Variants in NMT1 observed in about 807,000 individuals in gnomAD.
NMT1 encodes the protein N-myristoyltransferase 1, also known as glycylpeptide N-tetradecanoyltransferase 1.
In NMT1, 12 loss-of-function variants were observed where a neutral mutation model predicts 63.4. The observed-to-expected ratio is 0.19, with a 90% confidence interval of 0.12 to 0.31. NMT1 has a LOEUF of 0.31. Ranked by LOEUF, NMT1 falls within the 10% of genes least tolerant of loss-of-function variation. The pLI, the probability that NMT1 is intolerant of heterozygous loss-of-function variation, is 1.00. For missense variants in NMT1, 432 were observed against 634.6 expected, an observed-to-expected ratio of 0.68 and a Z score of 3.43; for synonymous variants, 228 against 234.3, an observed-to-expected ratio of 0.97 and a Z score of 0.25.
At position 45,089,528 on chromosome 17, in the gene NMT1, G is replaced by T. The variant is rs575969537; in HGVS notation, c.385+2876G>T. Among the ~76,000 whole-genome samples the T allele has an allele frequency of 4.7e-4, 72 of 152,234 alleles. 1 individual carries two copies. In the South Asian group the frequency reaches 0.015, roughly 31 times the overall value. ...GGCTAATTTTTGTATTTTTAGTAGA[G>T]ACAGGGTTTCACCATCTTGGCCAGG... is the stretch of plus-strand genomic sequence containing the variant. On this transcript the variant is annotated intron_variant, in intron 3 of 11. Transcript: ENST00000258960.
chr17:45,098,121 T>C (rs1233634370), intron 6 of NMT1, among the ~76,000 whole-genome samples: 1 of 152,174 alleles, frequency 6.6e-6, no homozygotes, highest in East Asian at 1.9e-4. Flanking sequence ...TAGGGACTCA[T>C]CAGGGAGATG....
chr17:45,073,754 T>A (rs1489286568), intron 1 of NMT1, among the ~76,000 whole-genome samples: 2 of 152,214 alleles, frequency 1.3e-5, no homozygotes, highest in Non-Finnish European at 2.9e-5. Flanking sequence ...AAGCCAAGTC[T>A]TTAGAGATTG....
chr17:45,093,628 C>A, intron 3 of NMT1, 57 bp from the exon 4 acceptor site: 1 of 1,437,948 alleles, frequency 7.0e-7, no homozygotes, highest in Non-Finnish European at 9.7e-7. Context: ...TTGAACTGAG[C>A]CCTTTACTGC....
In NMT1 at chr17:45,086,728, T is replaced by G. The variant is rs1440626534; in HGVS notation, c.385+76T>G. On this transcript the variant is annotated intron_variant, in intron 3 of 11. Coordinates refer to ENST00000258960, the MANE Select transcript of NMT1 (RefSeq NM_021079.5). The stretch of plus-strand genomic sequence containing the variant: ...CAGCTGTGCCTTCATGAGGGTTTCA[T>G]GCTGAATTACTGTAGGGAGGGCAGT... 3 of 1,471,618 alleles carry G rather than the reference T, an allele frequency of 2.0e-6. No homozygotes were observed. The Admixed American group carries it at 6.7e-5, about 33-fold the overall frequency. 91.2% of individuals were successfully genotyped at this position (1,471,618 alleles called of 1,614,324 possible). A position where few individuals can be genotyped will look rare whatever the true frequency, so the allele number is the denominator to read the frequency against.
intron 1 of NMT1, among the ~76,000 whole-genome samples, chr17:45,074,498 C>A (rs1295328092): frequency 6.6e-6 from 1 of 152,158 alleles, no homozygotes; most frequent in African/African-American, 2.4e-5. Context: ...GTATTACAGG[C>A]GTGAGCCATC....
intron 8 of NMT1, among the ~76,000 whole-genome samples, chr17:45,100,234 G>A (rs952571295): frequency 3.3e-5 from 5 of 152,106 alleles, no homozygotes; most frequent in South Asian, 2.1e-4. Context: ...GACTACAGGC[G>A]TGTGCCGCCA....
intron 4 of NMT1, 136 bp downstream of exon 4, chr17:45,093,939 A>C (rs2054106716): frequency 3.1e-6 from 2 of 653,672 alleles, no homozygotes; most frequent in Non-Finnish European, 5.3e-6. Context: ...CCCGTCTGTA[A>C]CTTCCTGGGG....
intron 3 of NMT1, among the ~76,000 whole-genome samples, chr17:45,087,610 A>C (rs2054063008): frequency 6.6e-6 from 1 of 152,222 alleles, no homozygotes; most frequent in Non-Finnish European, 1.5e-5. Context: ...AAGTGGTTGT[A>C]ACATGATTCT....
At chr17:45,095,046 C>T (rs1400887740) in intron 4 of NMT1, among the ~76,000 whole-genome samples, 8 of 149,466 alleles carry the variant, frequency 5.4e-5, no homozygotes, top group African/African-American at 2.5e-5. Context: ...CTCCTGACCT[C>T]ATGATCCACC....
Position 45,104,413 on chromosome 17 carries a change from C to A in NMT1, c.1333-446C>A. On this transcript the variant is annotated intron_variant, in intron 10 of 11. Transcript: ENST00000258960. The surrounding 1 kb of genome is among the most constrained non-coding windows in gnomAD (Gnocchi z 4.2). ...GCATCTTCACAGTCTCCAAGCAACA[C>A]AGCAGGTGTCATACAACATGAGGTG... is the stretch of plus-strand genomic sequence containing the variant. 1 of 1,117,992 alleles carries A rather than the reference C, an allele frequency of 8.9e-7. No individual in the cohort carries two copies. Among genetic ancestry groups the A allele is most frequent in the Non-Finnish European group, 1.1e-6 (1 of 908,848 alleles). The allele number at this position is 1,117,992 out of a possible 1,614,324, so 69.3% of individuals were successfully genotyped here.
chr17:45,091,002 GCTT>G (rs1043255479), intron 3 of NMT1, among the ~76,000 whole-genome samples: 15 of 152,194 alleles, frequency 9.9e-5, no homozygotes, highest in African/African-American at 3.6e-4. Context: ...GCCTTGGGCT[GCTT>G]CTTGGCATCG....
At chr17:45,067,756 C>G (rs2143451669) in intron 1 of NMT1, among the ~76,000 whole-genome samples, 1 of 152,240 alleles carries the variant, frequency 6.6e-6, no homozygotes, top group Non-Finnish European at 1.5e-5. Flanking sequence ...AATAAGTGTT[C>G]TAATTTTGTT....
chr17:45,083,491 T>G (rs1253822239), intron 2 of NMT1, among the ~76,000 whole-genome samples: 5 of 152,172 alleles, frequency 3.3e-5, no homozygotes, highest in African/African-American at 1.2e-4. Flanking sequence ...TTCAAGTAAT[T>G]TTTTTACTAT....
intron 8 of NMT1, among the ~76,000 whole-genome samples, chr17:45,101,530 A>T (rs1410820856): frequency 1.4e-5 from 2 of 138,760 alleles, no homozygotes; most frequent in Non-Finnish European, 3.1e-5. Context: ...GAGGCAGCAG[A>T]GTTGCTTGAA....
intron 7 of NMT1, 48 bp from the exon 8 acceptor site, chr17:45,099,357 A>C: frequency 7.6e-7 from 1 of 1,322,082 alleles, no homozygotes; most frequent in Non-Finnish European, 1.1e-6. Flanking sequence ...TGTCCTTGTA[A>C]TAGGGATTGG....
chr17:45,089,588 C>A (rs2054075529), intron 3 of NMT1, among the ~76,000 whole-genome samples: 1 of 151,984 alleles, frequency 6.6e-6, no homozygotes, highest in Admixed American at 6.6e-5. Flanking sequence ...GATCCACGTG[C>A]CTTGGCCTCC....
rs1489504953 is a variant in NMT1 at position 45,093,579 on chromosome 17, G to C, written c.386-106G>C. ...AAGCACAGAATGTTCTTCAGATAGA[G>C]GGCTCCTAGGGACAGGAGGAATTTG... On this transcript the variant is annotated intron_variant, in intron 3 of 11. Transcript: ENST00000258960. 3 of 788,982 alleles carry C rather than the reference G, an allele frequency of 3.8e-6. No homozygotes were observed. In the African/African-American group the frequency reaches 5.2e-5, roughly 14 times the overall value. The allele number at this position is 788,982 out of a possible 1,614,324, so 48.9% of individuals were successfully genotyped here. A position where few individuals can be genotyped will look rare whatever the true frequency, so the allele number is the denominator to read the frequency against.
At chr17:45,102,834 G>T (rs149295437) in intron 8 of NMT1, 117 bp from the exon 9 acceptor site, 3 of 896,544 alleles carry the variant, frequency 3.3e-6, no homozygotes, top group Admixed American at 2.5e-5. Flanking sequence ...ATGCACGGGG[G>T]TGCAGGGAGC....
At position 45,097,156 on chromosome 17, in the gene NMT1, C is replaced by A; in HGVS notation, c.625C>A (p.Gln209Lys). Reference protein sequence around the residue: ...WALRPPGWLPQWHCGVRVVSS... With the variant: ...WALRPPGWLPKWHCGVRVVSS... ...TCTCCGGCCACCCGGCTGGCTCCCC[C>A]AGTGGCACTGTGGGGTTCGAGTGGT... Residue 209 changes from glutamine (Q) to lysine (K), a missense_variant, in exon 6 of 12, where the codon CAG becomes AAG. By Grantham distance (53) the Gln-to-Lys change is moderately conservative. Around this residue, in one of 4 missense-constraint regions of NMT1, gnomAD observed 295 missense variants for 489.7 expected, o/e 0.60. Coordinates refer to ENST00000258960, the MANE Select transcript of NMT1 (RefSeq NM_021079.5). 1 of 1,614,230 alleles carries A rather than the reference C, an allele frequency of 6.2e-7. No individual in the cohort carries two copies. Among genetic ancestry groups the A allele is most frequent in the South Asian group, 1.1e-5 (1 of 91,086 alleles).
Sources: gnomAD v4.1 joint callset for allele counts (sites outside exome capture counted in the v4.1 genomes callset) on GRCh38, gnomAD v4.1.1 for gene constraint, gnomAD v4.1.1 regional missense constraint, Gnocchi (gnomAD v3.1) non-coding constraint, MANE v1.5 for transcripts, NCBI Gene and HGNC (gene_info 2026-07-23, HGNC 2026-07-21) for gene names.